The following OSBPL6 variants were observed in gnomAD, a reference collection of about 807,000 sequenced individuals.
OSBPL6 encodes the protein oxysterol-binding protein-related protein 6.
A neutral mutation model predicts 125.8 loss-of-function variants in OSBPL6; 49 were observed. The observed-to-expected ratio is 0.39, with a 90% CI of 0.31 to 0.49. The LOEUF is 0.49. OSBPL6 is among the 20% of genes least tolerant of loss of function. The pLI is 0.88. For synonymous variants in OSBPL6, 394 were observed against 391.8 expected (o/e 1.01, Z -0.07); for missense variants, 986 against 1,135.4 (o/e 0.87, Z 1.89).
intron 12 of OSBPL6, among the ~76,000 whole-genome samples, chr2:178,356,032 C>T (rs958053538): frequency 3.3e-5 from 5 of 152,248 alleles, no homozygotes; most frequent in Non-Finnish European, 5.9e-5. Context: ...TGACAAAATT[C>T]TACAGCCCTT....
chr2:178,260,750 A>G (rs2092030914), intron 1 of OSBPL6, among the ~76,000 whole-genome samples: 2 of 152,200 alleles, frequency 1.3e-5, no homozygotes, highest in Admixed American at 6.5e-5. Context: ...GCTAATATGT[A>G]TCGTTACTTC....
chr2:178,232,069 T>C lies in OSBPL6; in HGVS notation c.-351+37395T>C, dbSNP rs962820079. On this transcript the variant is annotated intron_variant, in intron 1 of 24. Transcript: ENST00000190611. ...TTGCTGCTCAGATCCATAAACTGGG[T>C]AAAACAATAATATCTTTTCTCACTT... 2.0e-5 allele frequency among the ~76,000 whole-genome samples: 3 copies of C among 152,158 alleles called. No homozygotes were observed. The East Asian group carries it at 5.8e-4, about 29-fold the overall frequency.
intron 1 of OSBPL6, among the ~76,000 whole-genome samples, chr2:178,281,019 T>C (rs1684115692): frequency 6.6e-6 from 1 of 150,966 alleles, no homozygotes. Flanking sequence ...ACTTTTTTTT[T>C]TTTTTTTTCT....
At position 178,365,428 on chromosome 2, in the gene OSBPL6, A is replaced by G. The variant is rs189456304; in HGVS notation, c.1287+3613A>G. Among the ~76,000 whole-genome samples the G allele has an allele frequency of 9.9e-4, 151 of 152,324 alleles. No homozygotes were observed. In the South Asian group the frequency reaches 0.014, roughly 14 times the overall value. ...CTGCCTTGAGCAAACAAAAATTTGCAAGGCTGGACAGTCTAATGAATTGCT... is the reference window on the plus strand; with the variant it reads ...CTGCCTTGAGCAAACAAAAATTTGCGAGGCTGGACAGTCTAATGAATTGCT... On this transcript the variant is annotated intron_variant, in intron 13 of 24. Coordinates refer to ENST00000190611, the MANE Select transcript of OSBPL6 (RefSeq NM_032523.4).
chr2:178,352,030 A>G (rs1691306367), intron 12 of OSBPL6, among the ~76,000 whole-genome samples: 1 of 152,212 alleles, frequency 6.6e-6, no homozygotes. Flanking sequence ...AAAGAAATAT[A>G]CAGATTCAAT....
chr2:178,263,806 C>CGT (rs71393413), intron 1 of OSBPL6, among the ~76,000 whole-genome samples: 75,721 of 147,642 alleles, frequency 0.51, 19,506 homozygotes, highest in East Asian at 0.61. Flanking sequence ...ACTGTGTACA[C>CGT]GTGTGTGTGT....
At chr2:178,375,640 C>T (rs1210234817) in intron 15 of OSBPL6, among the ~76,000 whole-genome samples, 1 of 152,050 alleles carries the variant, frequency 6.6e-6, no homozygotes, top group African/African-American at 2.4e-5. Flanking sequence ...TCAGGCTGGT[C>T]TCGAAATCCC....
intron 1 of OSBPL6, among the ~76,000 whole-genome samples, chr2:178,211,546 C>T (rs1465641105): frequency 6.6e-6 from 1 of 152,164 alleles, no homozygotes; most frequent in African/African-American, 2.4e-5. Context: ...GGCACTTGCT[C>T]CTTATTTCCT....
rs1239688878 is a variant in OSBPL6 at position 178,399,270 on chromosome 2, T to C, written c.*3711T>C. The C allele has an allele frequency of 7.2e-5, 11 of 152,312 alleles. No homozygotes were observed. Among genetic ancestry groups the C allele is most frequent in the South Asian group, 2.1e-4 (1 of 4,826 alleles). 9.4% of individuals were successfully genotyped at this position (152,312 alleles called of 1,614,324 possible). ...AGATTAAAGTATTTGGGGTTTTTTT[T>C]CCCCAAAAGCTTCCCAGTTGTTTAG... On this transcript the variant is annotated 3_prime_UTR_variant, in exon 25 of 25. Transcript: ENST00000190611.
chr2:178,326,247 G>A (rs974339339), intron 4 of OSBPL6, among the ~76,000 whole-genome samples: 2 of 151,726 alleles, frequency 1.3e-5, no homozygotes, highest in African/African-American at 4.8e-5. Context: ...GCAAACGTGT[G>A]CACATACAGT....
rs536432073 is a variant in OSBPL6, at chr2:178,358,968, G to A, written c.1154-2714G>A. ...AACCTTTACTTGAGGCCAGGAATTC[G>A]AGACAAGCATGAGCAACATAGTGAG... is the stretch of plus-strand genomic sequence containing the variant. On this transcript the variant is annotated intron_variant, in intron 12 of 24. Transcript: ENST00000190611. Among the ~76,000 whole-genome samples, 61 of 151,986 alleles carry A rather than the reference G, an allele frequency of 4.0e-4. 1 individual carries two copies. Among genetic ancestry groups the A allele is most frequent in the Non-Finnish European group, 3.4e-4 (23 of 67,992 alleles).
At chr2:178,204,266 C>T (rs1353554017) in intron 1 of OSBPL6, among the ~76,000 whole-genome samples, 7 of 152,130 alleles carry the variant, frequency 4.6e-5, no homozygotes, top group South Asian at 2.1e-4. Context: ...TCAAGTGATC[C>T]GCTTACCTTG....
intron 1 of OSBPL6, among the ~76,000 whole-genome samples, chr2:178,235,393 C>CTTTTTTTTTTTTTTTTTTTTTTTTTTTT (rs1207796881): frequency 1.5e-5 from 1 of 64,536 alleles, no homozygotes; most frequent in Non-Finnish European, 3.3e-5. Context: ...TTTTTCTTTT[C>CTTTTTTTTTTTTTTTTTTTTTTTTTTTT]TTTTCTTTTT....
intron 1 of OSBPL6, among the ~76,000 whole-genome samples, chr2:178,211,057 G>A (rs974035934): frequency 6.6e-6 from 1 of 152,102 alleles, no homozygotes; most frequent in Non-Finnish European, 1.5e-5. Context: ...CAAGGCAGGA[G>A]GATCAGAAGT....
chr2:178,283,836 G>C (rs1183006039), intron 1 of OSBPL6, among the ~76,000 whole-genome samples: 2 of 152,154 alleles, frequency 1.3e-5, no homozygotes, highest in Non-Finnish European at 2.9e-5. Flanking sequence ...GAGAGAGAGA[G>C]AAAAGGAGTC....
At chr2:178,366,631 A>G (rs565645367) in intron 13 of OSBPL6, among the ~76,000 whole-genome samples, 11 of 152,232 alleles carry the variant, frequency 7.2e-5, no homozygotes, top group Non-Finnish European at 1.3e-4. Context: ...AATTGAAGCA[A>G]AAAAATTGCT....
intron 1 of OSBPL6, among the ~76,000 whole-genome samples, chr2:178,278,327 G>T (rs1459336464): frequency 6.6e-6 from 1 of 152,032 alleles, no homozygotes; most frequent in Non-Finnish European, 1.5e-5. Context: ...AGGGCTTTGA[G>T]CCCTCTAAAT....
chr2:178,322,697 A>C (rs1451354185), intron 3 of OSBPL6, among the ~76,000 whole-genome samples: 1 of 152,084 alleles, frequency 6.6e-6, no homozygotes, highest in African/African-American at 2.4e-5. Context: ...CTTGCTACTA[A>C]AGTGTGTAAT....
At chr2:178,266,814 A>G (rs13383307) in intron 1 of OSBPL6, among the ~76,000 whole-genome samples, 2,411 of 152,314 alleles carry the variant, frequency 0.016, 67 homozygotes, top group African/African-American at 0.054. Flanking sequence ...TGTTAACCAC[A>G]TTCCATTGTG....
Sources: gnomAD v4.1 joint callset for allele counts (sites outside exome capture counted in the v4.1 genomes callset) on GRCh38, gnomAD v4.1.1 for gene constraint, MANE v1.5 for transcripts, NCBI Gene and HGNC (gene_info 2026-07-23, HGNC 2026-07-21) for gene names.